The following BEND7 variants were observed in gnomAD, a reference collection of about 807,000 sequenced individuals.
BEND7 encodes the protein BEN domain-containing protein 7.
BEND7 carries 28 observed loss-of-function variants against 50.9 expected under a neutral mutation model. The observed-to-expected ratio is 0.55, with a 90% CI of 0.41 to 0.75. BEND7 has a LOEUF of 0.75. BEND7 is among the 30% of genes least tolerant of loss of function. The pLI is 0.00. For synonymous variants in BEND7, 170 were observed against 183.9 expected (o/e 0.92, Z 0.61); for missense variants, 477 against 491.3 (o/e 0.97, Z 0.28).
intron 6 of BEND7, among the ~76,000 whole-genome samples, chr10:13,473,885 C>CA (rs2075166462): frequency 6.6e-6 from 1 of 151,170 alleles, no homozygotes; most frequent in Admixed American, 6.6e-5. Flanking sequence ...TGATACTCGT[C>CA]ATTGCTGTTA....
At chr10:13,495,603 G>A (rs922080290) in intron 4 of BEND7, among the ~76,000 whole-genome samples, 6 of 152,088 alleles carry the variant, frequency 3.9e-5, no homozygotes, top group East Asian at 1.9e-4. Context: ...TAGAGGTTTC[G>A]GTGAGCCGAG....
chr10:13,495,569 G>A (rs2076967123), intron 4 of BEND7, among the ~76,000 whole-genome samples: 1 of 152,182 alleles, frequency 6.6e-6, no homozygotes, highest in Non-Finnish European at 1.5e-5. Flanking sequence ...GGCTGAGGCA[G>A]GAGAATCGCT....
upstream of BEND7, among the ~76,000 whole-genome samples, chr10:13,529,499 G>A (rs2079589182): frequency 6.6e-6 from 1 of 152,148 alleles, no homozygotes; most frequent in African/African-American, 2.4e-5. Flanking sequence ...ATATAGTAGA[G>A]AGCTCCCATT....
At chr10:13,442,167 C>G (rs2130807879) in intron 8 of BEND7, 2 of 171,658 alleles carry the variant, frequency 1.2e-5, no homozygotes, top group African/African-American at 4.7e-5. Context: ...CAACCGCTTA[C>G]CCTCATTCAT....
intron 2 of BEND7, among the ~76,000 whole-genome samples, chr10:13,508,408 C>T (rs1024881465): frequency 1.4e-4 from 21 of 152,210 alleles, no homozygotes; most frequent in African/African-American, 4.8e-4. Flanking sequence ...TGCGCCAGAA[C>T]CCGATTCCTG....
intron 3 of BEND7, among the ~76,000 whole-genome samples, chr10:13,498,492 C>A (rs1409309260): frequency 6.6e-6 from 1 of 152,194 alleles, no homozygotes; most frequent in Non-Finnish European, 1.5e-5. Flanking sequence ...CTACTGTATA[C>A]TGGGAAACAG....
chr10:13,450,981 G>T (rs554377171), intron 7 of BEND7, among the ~76,000 whole-genome samples: 14 of 152,090 alleles, frequency 9.2e-5, no homozygotes, highest in African/African-American at 3.1e-4. Flanking sequence ...TTGCTGGTGG[G>T]ACAGGGGAAG....
In BEND7 at chr10:13,487,488, G is replaced by A. The variant is rs1197667783; in HGVS notation, c.837+5123C>T. Among the ~76,000 whole-genome samples the A allele has an allele frequency of 8.0e-5, 12 of 150,524 alleles. No individual in the cohort carries two copies. In the Admixed American group the frequency reaches 8.0e-4, roughly 10 times the overall value. On this transcript the variant is annotated intron_variant, in intron 5 of 8. Coordinates refer to ENST00000466271, the MANE Select transcript of BEND7 (RefSeq NM_001369863.1). ...CGCAACCTCTGCCTCCCAGGTTCAA[G>A]CGATTCTCCTGTCTCAGCCTCCTGA...
intron 5 of BEND7, among the ~76,000 whole-genome samples, chr10:13,484,671 T>C (rs559962245): frequency 6.6e-6 from 1 of 152,364 alleles, no homozygotes; most frequent in East Asian, 1.9e-4. Context: ...TAGTGATTAC[T>C]GAAGTAATAC....
chr10:13,452,913 T>C (rs1838091673), intron 6 of BEND7, among the ~76,000 whole-genome samples: 1 of 152,214 alleles, frequency 6.6e-6, no homozygotes, highest in Non-Finnish European at 1.5e-5. Context: ...CTACTCTTTC[T>C]ACTGGCTCCA....
chr10:13,485,716 T>C (rs2076179464), intron 5 of BEND7, among the ~76,000 whole-genome samples: 1 of 152,198 alleles, frequency 6.6e-6, no homozygotes, highest in South Asian at 2.1e-4. Context: ...GTGCTTCAGT[T>C]TAAGAAAAGA....
At chr10:13,463,966 C>A (rs538524298) in intron 6 of BEND7, among the ~76,000 whole-genome samples, 1 of 152,348 alleles carries the variant, frequency 6.6e-6, no homozygotes, top group African/African-American at 2.4e-5. Flanking sequence ...ATCAGAGATT[C>A]TACCACTGAG....
chr10:13,504,253 C>T lies in BEND7; in HGVS notation c.146-4173G>A, dbSNP rs117107999. The stretch of plus-strand genomic sequence containing the variant: ...GGACAGGACAGGCTGGGCTATTACA[C>T]CCACACCTGGTCTCGCCTCCTAACT... On this transcript the variant is annotated intron_variant, in intron 2 of 8. Transcript: ENST00000466271. Among the ~76,000 whole-genome samples the T allele has an allele frequency of 5.4e-3, 828 of 152,236 alleles. 2 individuals are homozygous for T. Among genetic ancestry groups the T allele is most frequent in the Non-Finnish European group, 8.9e-3 (606 of 68,012 alleles).
chr10:13,515,620 G>A (rs1339487709), intron 2 of BEND7, among the ~76,000 whole-genome samples: 1 of 152,216 alleles, frequency 6.6e-6, no homozygotes, highest in Non-Finnish European at 1.5e-5. Context: ...ATGAGGCACA[G>A]TAACCTGACC....
At chr10:13,524,268 A>G (rs2079279200) in intron 2 of BEND7, among the ~76,000 whole-genome samples, 1 of 152,182 alleles carries the variant, frequency 6.6e-6, no homozygotes, top group Non-Finnish European at 1.5e-5. Flanking sequence ...TTCCCTTTGT[A>G]TGGTGAACGT....
intron 2 of BEND7, among the ~76,000 whole-genome samples, chr10:13,515,438 G>A (rs1418158804): frequency 1.3e-5 from 2 of 152,102 alleles, no homozygotes; most frequent in African/African-American, 4.8e-5. Flanking sequence ...CTGAATAACA[G>A]TATATTTCTG....
chr10:13,463,492 T>C (rs996354394), intron 6 of BEND7, among the ~76,000 whole-genome samples: 3 of 152,138 alleles, frequency 2.0e-5, no homozygotes, highest in African/African-American at 7.2e-5. Flanking sequence ...AGAGATAGAA[T>C]TATGAATCAG....
chr10:13,460,576 T>C (rs1840004814), intron 6 of BEND7, among the ~76,000 whole-genome samples: 1 of 152,172 alleles, frequency 6.6e-6, no homozygotes, highest in South Asian at 2.1e-4. Flanking sequence ...CTCAATGGCA[T>C]ATGACCCCCG....
chr10:13,519,345 G>A (rs1042869762), intron 2 of BEND7, among the ~76,000 whole-genome samples: 3 of 152,030 alleles, frequency 2.0e-5, no homozygotes, highest in South Asian at 2.1e-4. Flanking sequence ...GTGTGGTGGC[G>A]GGCACCTGTA....
Sources: gnomAD v4.1 joint callset for allele counts (sites outside exome capture counted in the v4.1 genomes callset) on GRCh38, gnomAD v4.1.1 for gene constraint, MANE v1.5 for transcripts, NCBI Gene and HGNC (gene_info 2026-07-23, HGNC 2026-07-21) for gene names.